NTN1: variants seen among roughly 807,000 people sequenced by gnomAD.
NTN1 encodes the protein netrin-1.
A neutral mutation model predicts 54.2 loss-of-function variants in NTN1; 11 were observed. The ratio of observed to expected loss-of-function variants is 0.20; its 90% CI spans 0.13 to 0.34. The LOEUF is 0.34. NTN1 is among the 10% of genes least tolerant of loss of function. The probability of loss-of-function intolerance (pLI) is 1.00; values close to 1 mark genes in which losing one functional copy is unlikely to be tolerated. For synonymous variants in NTN1, 371 were observed against 382.0 expected (o/e 0.97, Z 0.33); for missense variants, 740 against 893.1 (o/e 0.83, Z 2.18).
At position 9,163,049 on chromosome 17, in the gene NTN1, T is replaced by G. The variant is rs771677400; in HGVS notation, c.1207+48T>G. The G allele has an allele frequency of 3.3e-6, 5 of 1,531,010 alleles. No individual in the cohort carries two copies. The South Asian group carries it at 4.8e-5, about 15-fold the overall frequency. The allele number at this position is 1,531,010 out of a possible 1,614,324, so 94.8% of individuals were successfully genotyped here. The stretch of plus-strand genomic sequence containing the variant: ...GGGGGCTGGGGAGACCCGGGGAACA[T>G]CAGTCCTCCCGCTCCCTCCTCGCTT... On this transcript the variant is annotated intron_variant, in intron 3 of 6. Coordinates refer to ENST00000173229, the MANE Select transcript of NTN1 (RefSeq NM_004822.3).
intron 2 of NTN1, among the ~76,000 whole-genome samples, chr17:9,136,138 C>T (rs966890116): frequency 6.6e-6 from 1 of 152,338 alleles, no homozygotes; most frequent in African/African-American, 2.4e-5. Flanking sequence ...AGGAAATGCT[C>T]CAGCAACAGG....
At position 9,230,264 on chromosome 17, in the gene NTN1, C is replaced by A. The variant is rs992703172; in HGVS notation, c.1486+9022C>A. On this transcript the variant is annotated intron_variant, in intron 6 of 6. Coordinates refer to ENST00000173229, the MANE Select transcript of NTN1 (RefSeq NM_004822.3). ...CTGTCCCCCAAGGTCAGGGCCCCTG[C>A]TGTGGGCCCAGAGGCAGCTGATGTG... 2.6e-5 allele frequency among the ~76,000 whole-genome samples: 4 copies of A among 152,148 alleles called. No homozygotes were observed. The East Asian group carries it at 7.7e-4, about 29-fold the overall frequency.
At chr17:9,215,285 A>ACG (rs369373835) in intron 5 of NTN1, among the ~76,000 whole-genome samples, 24,161 of 151,362 alleles carry the variant, frequency 0.16, 2,452 homozygotes, top group Non-Finnish European at 0.24. Context: ...ACACACACAC[A>ACG]CACATACACA....
At chr17:9,089,804 G>T (rs1272845239) in intron 2 of NTN1, among the ~76,000 whole-genome samples, 2 of 152,148 alleles carry the variant, frequency 1.3e-5, no homozygotes, top group African/African-American at 4.8e-5. Context: ...CCAGTTGGGG[G>T]TTTCATCTCT....
rs762914852 is a variant in NTN1, at chr17:9,239,978, AGCGGGCGGGCGGGCGG to A, written c.*18_*33del. The A allele has an allele frequency of 1.0e-4, 6 of 59,780 alleles. No homozygotes were observed. The highest frequency in any genetic ancestry group is 2.0e-4 in the Non-Finnish European group (6 of 30,498). 3.7% of individuals were successfully genotyped at this position (59,780 alleles called of 1,614,324 possible). ...GTGCAAGAAGGCCTAGCGCCGAGGC[AGCGGGCGGGCGGGCGG>A]GCGGGCGCCAGGGCGGGGCCGAGCG... On this transcript the variant is annotated 3_prime_UTR_variant, in exon 7 of 7. Transcript: ENST00000173229. The surrounding 1 kb of genome is among the most constrained non-coding windows in gnomAD (Gnocchi z 5.2).
Position 9,025,275 on chromosome 17 carries a change from GT to G in NTN1, c.1018+1885del, listed in dbSNP as rs1246512088. Among the ~76,000 whole-genome samples the G allele has an allele frequency of 2.0e-5, 3 of 152,294 alleles. No individual in the cohort carries two copies. The East Asian group carries it at 5.8e-4, about 29-fold the overall frequency. On this transcript the variant is annotated intron_variant, in intron 2 of 6. Transcript: ENST00000173229. ...GTAACCTGCGTTTGTTATAATGATG[GT>G]CATGCACTTGAAATAATCTCTATAG...
Position 9,156,929 on chromosome 17 carries a change from C to T in NTN1, c.1019-5884C>T, listed in dbSNP as rs142627482. 5.9e-3 allele frequency among the ~76,000 whole-genome samples: 899 copies of T among 152,124 alleles called. 8 individuals carry two copies. The highest frequency in any genetic ancestry group is 0.02 in the African/African-American group (835 of 41,490). The stretch of plus-strand genomic sequence containing the variant: ...CCATCCATCCATCCATCCATGCATG[C>T]GTCCATCCATCCATCCATGCATCCC... On this transcript the variant is annotated intron_variant, in intron 2 of 6. Coordinates refer to ENST00000173229, the MANE Select transcript of NTN1 (RefSeq NM_004822.3).
chr17:9,241,044 C>G lies in NTN1; in HGVS notation c.*1076C>G, dbSNP rs970892789. The G allele has an allele frequency of 6.6e-6, 1 of 152,278 alleles. No homozygotes were observed. The highest frequency in any genetic ancestry group is 1.5e-5 in the Non-Finnish European group (1 of 68,118). The allele number at this position is 152,278 out of a possible 1,614,324, so 9.4% of individuals were successfully genotyped here. A position where few individuals can be genotyped will look rare whatever the true frequency, so the allele number is the denominator to read the frequency against. ...TGTCAACAGCTGGAAAGGGCCTGAA[C>G]GGGCTTGGAGTCTGCAGGCTGCGAA... On this transcript the variant is annotated 3_prime_UTR_variant, in exon 7 of 7. Coordinates refer to ENST00000173229, the MANE Select transcript of NTN1 (RefSeq NM_004822.3).
chr17:9,110,414 C>T (rs1207893310), intron 2 of NTN1, among the ~76,000 whole-genome samples: 2 of 152,120 alleles, frequency 1.3e-5, no homozygotes, highest in Non-Finnish European at 2.9e-5. Flanking sequence ...GGATTACAGG[C>T]ACCTGCCACC....
chr17:9,108,813 A>T (rs111954450), intron 2 of NTN1, among the ~76,000 whole-genome samples: 2 of 152,158 alleles, frequency 1.3e-5, no homozygotes, highest in African/African-American at 4.8e-5. Flanking sequence ...AAGTTACAGT[A>T]TTCTCCTTCA....
chr17:9,113,784 T>C (rs1419913844), intron 2 of NTN1, among the ~76,000 whole-genome samples: 1 of 152,172 alleles, frequency 6.6e-6, no homozygotes, highest in Admixed American at 6.6e-5. Flanking sequence ...GGATGTTCAC[T>C]GCAATGTTGT....
intron 2 of NTN1, among the ~76,000 whole-genome samples, chr17:9,079,149 G>GCCCAGAGCT (rs1026509844): frequency 6.6e-6 from 1 of 152,176 alleles, no homozygotes; most frequent in African/African-American, 2.4e-5. Context: ...CTTTTGTGCA[G>GCCCAGAGCT]CCCAGAGCTG....
In NTN1 at chr17:9,239,236, G is replaced by A. The variant is rs1165777404; in HGVS notation, c.1487-404G>A. On this transcript the variant is annotated intron_variant, in intron 6 of 6. Coordinates refer to ENST00000173229, the MANE Select transcript of NTN1 (RefSeq NM_004822.3). The surrounding 1 kb of genome is among the most constrained non-coding windows in gnomAD (Gnocchi z 5.2). ...CATGAGGGCTGGTGTAAAGTGACTTGGGCCTTTGGAGAAGCGCACCCCTGA... is the reference window on the plus strand; with the variant it reads ...CATGAGGGCTGGTGTAAAGTGACTTAGGCCTTTGGAGAAGCGCACCCCTGA... Among the ~76,000 whole-genome samples the A allele has an allele frequency of 6.6e-6, 1 of 152,188 alleles. No homozygotes were observed. The highest frequency in any genetic ancestry group is 2.4e-5 in the African/African-American group (1 of 41,446).
chr17:9,173,969 C>T (rs1435544182), intron 3 of NTN1: 1 of 152,348 alleles, frequency 6.6e-6, no homozygotes, highest in African/African-American at 2.4e-5. Flanking sequence ...AGAGGGCACC[C>T]CCTGCATTGC....
At chr17:9,004,428 A>G in the NTN1 span, among the ~76,000 whole-genome samples, 2 of 152,130 alleles carry the variant, frequency 1.3e-5, no homozygotes, top group South Asian at 4.1e-4. Flanking sequence ...CCCTGTTGGG[A>G]CCCTCGGGTC....
intron 2 of NTN1, among the ~76,000 whole-genome samples, chr17:9,039,745 A>G (rs2091915649): frequency 6.6e-6 from 1 of 152,148 alleles, no homozygotes; most frequent in African/African-American, 2.4e-5. Context: ...ATCATACGGT[A>G]CGTGTGGTCT....
intron 2 of NTN1, among the ~76,000 whole-genome samples, chr17:9,136,114 T>C (rs1373183316): frequency 6.6e-6 from 1 of 152,206 alleles, no homozygotes; most frequent in African/African-American, 2.4e-5. Context: ...AGTCACAGCT[T>C]GACAAGAGTG....
chr17:9,229,156 CTGTG>C (rs1226065535), intron 6 of NTN1, among the ~76,000 whole-genome samples: 6 of 91,628 alleles, frequency 6.5e-5, no homozygotes, highest in Admixed American at 1.3e-4. Context: ...CTGTTTGTGA[CTGTG>C]TGAGACTGTG....
At chr17:9,189,957 A>G (rs56142945) in intron 5 of NTN1, among the ~76,000 whole-genome samples, 26,446 of 152,208 alleles carry the variant, frequency 0.17, 2,771 homozygotes, top group East Asian at 0.42. Context: ...GGGCAGACAA[A>G]TCAGCTAATC....
Sources: allele counts gnomAD v4.1 joint callset (sites outside exome capture counted in the v4.1 genomes callset), GRCh38; gene constraint gnomAD v4.1.1; non-coding constraint Gnocchi (gnomAD v3.1); transcripts MANE v1.5; gene names NCBI Gene and HGNC (gene_info 2026-07-23, HGNC 2026-07-21).